Variants in STYX observed in about 807,000 individuals in gnomAD.
STYX encodes serine/threonine/tyrosine interacting protein.
In STYX, 20 loss-of-function variants were observed where a neutral mutation model predicts 42.7. The ratio of observed to expected loss-of-function variants is 0.47; its 90% confidence interval spans 0.33 to 0.68. The LOEUF (loss-of-function observed/expected upper bound fraction) is 0.68, where lower values mean the gene tolerates loss of function less well. Among genes scored for constraint, STYX ranks in the 30% least tolerant of loss-of-function variants. The probability of loss-of-function intolerance (pLI) is 0.02; values close to 1 mark genes in which losing one functional copy is unlikely to be tolerated. For missense variants in STYX, 226 were observed against 268.5 expected (o/e 0.84, Z 1.11); for synonymous variants, 78 against 81.9 (o/e 0.95, Z 0.26).
intron 9 of STYX, among the ~76,000 whole-genome samples, chr14:52,762,209 AT>A (rs1459085853): frequency 6.6e-6 from 1 of 152,036 alleles, no homozygotes; most frequent in Non-Finnish European, 1.5e-5. Flanking sequence ...TTTTGTGATC[AT>A]TTGTTGGTGT....
intron 1 of STYX, among the ~76,000 whole-genome samples, chr14:52,732,264 A>C (rs1594860332): frequency 8.5e-6 from 1 of 117,010 alleles, no homozygotes; most frequent in Non-Finnish European, 1.7e-5. Context: ...CGCCAGGCCC[A>C]GCTTTTTTTT....
chr14:52,734,881 A>G (rs1003644556), intron 1 of STYX, among the ~76,000 whole-genome samples: 1 of 152,018 alleles, frequency 6.6e-6, no homozygotes, highest in Non-Finnish European at 1.5e-5. Flanking sequence ...CTAACACGGT[A>G]AAACCCCGTC....
intron 4 of STYX, among the ~76,000 whole-genome samples, chr14:52,755,686 T>TG (rs1461627850): frequency 2.7e-5 from 4 of 150,656 alleles, no homozygotes; most frequent in Non-Finnish European, 3.0e-5. Context: ...TCAGCTAGTT[T>TG]TTTTTTTTTT....
chr14:52,746,099 T>C (rs1881384694), intron 2 of STYX, among the ~76,000 whole-genome samples: 1 of 152,174 alleles, frequency 6.6e-6, no homozygotes, highest in Admixed American at 6.5e-5. Context: ...TTGGAATTTT[T>C]ATGTTACAGT....
At chr14:52,755,247 T>TTAC (rs1291229262) in intron 4 of STYX, among the ~76,000 whole-genome samples, 1 of 151,832 alleles carries the variant, frequency 6.6e-6, no homozygotes, top group East Asian at 1.9e-4. Flanking sequence ...CTCAGCCTCC[T>TTAC]GAGTAGCTGG....
chr14:52,764,586 A>T (rs1594882031), intron 9 of STYX, among the ~76,000 whole-genome samples: 1 of 151,230 alleles, frequency 6.6e-6, no homozygotes, highest in Middle Eastern at 3.4e-3. Context: ...TCCTTTTTTT[A>T]ACCTTCTGCT....
At chr14:52,752,160 AAAAAC>A (rs886430808) in intron 4 of STYX, among the ~76,000 whole-genome samples, 1 of 119,964 alleles carries the variant, frequency 8.3e-6, no homozygotes, top group African/African-American at 3.1e-5. Context: ...ACACCGTCTC[AAAAAC>A]AAAACAAAAC....
chr14:52,750,663 C>G lies in STYX; in HGVS notation c.145-20C>G. 1 of 1,444,066 alleles carries G rather than the reference C, an allele frequency of 6.9e-7. No homozygotes were observed. The highest frequency in any genetic ancestry group is 1.3e-5 in the South Asian group (1 of 77,464). The allele number at this position is 1,444,066 out of a possible 1,614,324, so 89.5% of individuals were successfully genotyped here. A position where few individuals can be genotyped will look rare whatever the true frequency, so the allele number is the denominator to read the frequency against. ...AATATTTATCTTCCCTGTCCTCCCC[C>G]TGCTTTTTTTTTTATACAGCTACCT... On this transcript the variant is annotated intron_variant, in intron 3 of 10. Transcript: ENST00000354586.
chr14:52,750,990 T>G (rs565847168), intron 4 of STYX, among the ~76,000 whole-genome samples: 3 of 152,184 alleles, frequency 2.0e-5, no homozygotes, highest in African/African-American at 7.2e-5. Flanking sequence ...GTCAAGAAGT[T>G]TCTGGGAAAG....
chr14:52,740,551 G>A (rs1881146415), intron 1 of STYX, among the ~76,000 whole-genome samples: 1 of 152,222 alleles, frequency 6.6e-6, no homozygotes. Flanking sequence ...AAAATAGACA[G>A]TGATAGTATC....
chr14:52,773,318 T>C lies in STYX; in HGVS notation c.*2212T>C, dbSNP rs970252706. The C allele has an allele frequency of 7.9e-6, 1 of 127,270 alleles. No homozygotes were observed. The highest frequency in any genetic ancestry group is 2.7e-5 in the African/African-American group (1 of 36,960). 7.9% of individuals were successfully genotyped at this position (127,270 alleles called of 1,614,324 possible). A position where few individuals can be genotyped will look rare whatever the true frequency, so the allele number is the denominator to read the frequency against. On this transcript the variant is annotated 3_prime_UTR_variant, in exon 11 of 11. Transcript: ENST00000354586. ...CATCATCTTGAGTACTCTGTGTGTA[T>C]ATATATATATATAGATAGATAGATT...
intron 1 of STYX, among the ~76,000 whole-genome samples, chr14:52,735,435 A>G (rs2139877738): frequency 6.6e-6 from 1 of 152,320 alleles, no homozygotes; most frequent in East Asian, 1.9e-4. Context: ...AGAGGAGTGA[A>G]GTTTATTGTT....
intron 9 of STYX, among the ~76,000 whole-genome samples, chr14:52,765,375 AC>A (rs1882260185): frequency 6.6e-6 from 1 of 151,974 alleles, no homozygotes; most frequent in Admixed American, 6.6e-5. Context: ...ATGCCACCAC[AC>A]CCAGCTAATT....
At chr14:52,734,569 T>C (rs1880870345) in intron 1 of STYX, among the ~76,000 whole-genome samples, 1 of 152,140 alleles carries the variant, frequency 6.6e-6, no homozygotes. Flanking sequence ...CCAAGAGTTT[T>C]AGGAGGACTG....
intron 1 of STYX, among the ~76,000 whole-genome samples, chr14:52,733,483 G>T (rs545472793): frequency 2.6e-5 from 4 of 152,072 alleles, no homozygotes; most frequent in Admixed American, 2.6e-4. Context: ...GCTCAGTCCC[G>T]CAAGGCTGCC....
chr14:52,744,968 A>G (rs536171121), intron 2 of STYX, 84 bp downstream of exon 2: 3 of 1,177,524 alleles, frequency 2.5e-6, no homozygotes, highest in Admixed American at 4.2e-5. Context: ...AGACCTGCTG[A>G]TTTCATGATC....
At chr14:52,745,663 C>G (rs907042591) in intron 2 of STYX, among the ~76,000 whole-genome samples, 83 of 152,270 alleles carry the variant, frequency 5.5e-4, no homozygotes, top group Admixed American at 2.8e-3. Context: ...GATAGCTAAC[C>G]CTCATAGCAG....
At position 52,739,870 on chromosome 14, in the gene STYX, G is replaced by A. The variant is rs187294181; in HGVS notation, c.58-4982G>A. ...TATTGCCCAGGCTGGTCTTGAACTC[G>A]GGCTCAAGCTATCCTCCTGCCCCAG... On this transcript the variant is annotated intron_variant, in intron 1 of 10. Transcript: ENST00000354586. 5.5e-3 allele frequency among the ~76,000 whole-genome samples: 829 copies of A among 151,810 alleles called. 9 individuals carry two copies. The highest frequency in any genetic ancestry group is 7.3e-3 in the South Asian group (35 of 4,810).
Position 52,763,026 on chromosome 14 carries a change from G to T in STYX, c.504+3272G>T, listed in dbSNP as rs1882161616. 1.3e-5 allele frequency among the ~76,000 whole-genome samples: 2 copies of T among 151,108 alleles called. 1 individual carries two copies. Among genetic ancestry groups the T allele is most frequent in the South Asian group, 4.2e-4 (2 of 4,806 alleles). ...TGCTGCCTCAGCCTCCAGAATAGCT[G>T]GGATTTACAGGTGCCTGCCACCACA... On this transcript the variant is annotated intron_variant, in intron 9 of 10. Coordinates refer to ENST00000354586, the MANE Select transcript of STYX (RefSeq NM_145251.4).
Sources: gnomAD v4.1 joint callset for allele counts (sites outside exome capture counted in the v4.1 genomes callset) on GRCh38, gnomAD v4.1.1 for gene constraint, MANE v1.5 for transcripts, NCBI Gene and HGNC (gene_info 2026-07-23, HGNC 2026-07-21) for gene names.